Variants in TASOR2 observed in about 807,000 individuals in gnomAD.
TASOR2 encodes the protein protein TASOR 2.
Under a neutral mutation model 199.5 loss-of-function variants are expected in TASOR2, and 84 were observed. The ratio of observed to expected loss-of-function variants is 0.42; its 90% CI spans 0.35 to 0.50. TASOR2 has a LOEUF of 0.50. Ranked by LOEUF, TASOR2 falls within the 20% of genes least tolerant of loss-of-function variation. TASOR2 has a pLI of 0.02. For missense variants in TASOR2, 2,796 were observed against 2,835.9 expected (o/e 0.99, Z 0.32); for synonymous variants, 1,103 against 1,046.6 (o/e 1.05, Z -1.04).
In TASOR2 at chr10:5,747,128, A is replaced by T. The variant is rs768218928; in HGVS notation, c.3707A>T (p.Glu1236Val). Residue 1236 changes from glutamate (E) to valine (V), a missense_variant, in exon 15 of 21, where the codon GAA (glutamate) becomes GTA (valine). Glu to Val is a moderately radical substitution (Grantham distance 121). Around this residue, in one of 3 missense-constraint regions of TASOR2, gnomAD observed 1,941 missense variants for 1,924.9 expected, o/e 1.01. Coordinates refer to ENST00000328090, the Ensembl canonical transcript of TASOR2. ...TGCCACACATCAGGTGACTCTTTAG[A>T]ACTAAGGAAGAATCACAAGAATGGT... 2.6e-5 allele frequency: 42 copies of T among 1,614,024 alleles called. 1 individual carries two copies. The East Asian group carries it at 9.1e-4, about 35-fold the overall frequency.
At chr10:5,763,130 C>CT in exon 21 of TASOR2, 1 of 1,129,742 alleles carries the variant, frequency 8.9e-7, no homozygotes, top group East Asian at 2.6e-5. Context: ...TGTGAACAGT[C>CT]TTACATTTGA....
Position 5,730,877 on chromosome 10 carries a change from G to C in TASOR2, c.878G>C (p.Gly293Ala). 1 of 1,614,150 alleles carries C rather than the reference G, an allele frequency of 6.2e-7. No homozygotes were observed. Among genetic ancestry groups the C allele is most frequent in the East Asian group, 2.2e-5 (1 of 44,882 alleles). Residue 293 changes from glycine (G) to alanine (A), a missense_variant, in exon 11 of 21, where the codon GGA (glycine) becomes GCA (alanine). Around this residue, in one of 3 missense-constraint regions of TASOR2, gnomAD observed 847 missense variants for 887.4 expected, o/e 0.95. Transcript: ENST00000328090. This position sits in a 1 kb window ranked among gnomAD's most constrained non-coding sequence, Gnocchi z 4.1. The stretch of plus-strand genomic sequence containing the variant: ...CCTCAGTCTCCTTGTGTTTCAGACG[G>C]AATTTGTGATGCTGGATTTTCCTTA...
intron 10 of TASOR2, 63 bp downstream of exon 11, chr10:5,727,186 T>G: frequency 6.4e-7 from 1 of 1,560,524 alleles, no homozygotes; most frequent in Non-Finnish European, 8.8e-7. Flanking sequence ...TCATCTGACT[T>G]GACCTCTCAG....
At chr10:5,695,830 AT>A (rs935178978) in intron 1 of TASOR2, among the ~76,000 whole-genome samples, 2 of 152,210 alleles carry the variant, frequency 1.3e-5, no homozygotes, top group African/African-American at 4.8e-5. Context: ...GAGCAAGCAG[AT>A]TCTTTCCACA....
intron 12 of TASOR2, among the ~76,000 whole-genome samples, chr10:5,736,605 C>G (rs998739575): frequency 3.2e-4 from 48 of 152,100 alleles, no homozygotes; most frequent in African/African-American, 1.2e-3. Context: ...AGTAGTTTTA[C>G]TGATTTAACT....
At chr10:5,763,711 C>T (rs1840214688) in exon 21 of TASOR2, 2 of 152,168 alleles carry the variant, frequency 1.3e-5, no homozygotes, top group Non-Finnish European at 2.9e-5. Flanking sequence ...TAATGTGTTT[C>T]ATTTTTTAAA....
intron 8 of TASOR2, 57 bp from the exon 10 acceptor site, chr10:5,726,828 G>A (rs1834110701): frequency 2.7e-6 from 4 of 1,464,586 alleles, no homozygotes; most frequent in South Asian, 1.1e-5. Flanking sequence ...ATGGGTAGAG[G>A]GAGAAGAGAG....
intron 16 of TASOR2, 75 bp downstream of exon 17, chr10:5,756,813 C>CT: frequency 2.0e-6 from 3 of 1,480,998 alleles, no homozygotes; most frequent in Non-Finnish European, 2.7e-6. Flanking sequence ...ACTCATCCCT[C>CT]TTTTTTTATG....
At position 5,720,277 on chromosome 10, in the gene TASOR2, G is replaced by A. The variant is rs1475135910; in HGVS notation, c.-99-267G>A. 1 of 985,238 alleles carries A rather than the reference G, an allele frequency of 1.0e-6. No individual in the cohort carries two copies. 61.0% of individuals were successfully genotyped at this position (985,238 alleles called of 1,614,324 possible). A position where few individuals can be genotyped will look rare whatever the true frequency, so the allele number is the denominator to read the frequency against. On this transcript the variant is annotated intron_variant, in intron 3 of 20. Coordinates refer to ENST00000328090, the Ensembl canonical transcript of TASOR2. This position sits in a 1 kb window ranked among gnomAD's most constrained non-coding sequence, Gnocchi z 5.3. ...CATTCTAGGGAAAAGTCAAGTTTGT[G>A]TCTGAGAATTATACAACTAACTATA... is the stretch of plus-strand genomic sequence containing the variant.
exon 15 of TASOR2, chr10:5,749,119 G>A: frequency 6.2e-7 from 1 of 1,614,110 alleles, no homozygotes; most frequent in Non-Finnish European, 8.5e-7. Context: ...GCACTGGACT[G>A]CTGCGGTAAA....
rs148722321 is a variant in TASOR2 at position 5,720,312 on chromosome 10, C to T, written c.-99-232C>T. The T allele has an allele frequency of 2.7e-3, 2,643 of 985,216 alleles. 2 individuals carry two copies. The highest frequency in any genetic ancestry group is 3.0e-3 in the Non-Finnish European group (2,525 of 829,738). 61.0% of individuals were successfully genotyped at this position (985,216 alleles called of 1,614,324 possible). A position where few individuals can be genotyped will look rare whatever the true frequency, so the allele number is the denominator to read the frequency against. The stretch of plus-strand genomic sequence containing the variant: ...TATACAACTAACTATACTAAGCCAT[C>T]TTCTGGCTATGATTGCCACGTGTCT... On this transcript the variant is annotated intron_variant, in intron 3 of 20. Coordinates refer to ENST00000328090, the Ensembl canonical transcript of TASOR2. This position sits in a 1 kb window ranked among gnomAD's most constrained non-coding sequence, Gnocchi z 5.3.
exon 15 of TASOR2, chr10:5,749,798 A>G (rs1384581225): frequency 2.5e-6 from 4 of 1,614,154 alleles, no homozygotes; most frequent in Admixed American, 1.7e-5. Flanking sequence ...AAGAATAGCA[A>G]CCAATTCATT....
exon 15 of TASOR2, chr10:5,749,094 G>A (rs375316078): frequency 4.4e-5 from 71 of 1,613,900 alleles, no homozygotes; most frequent in Non-Finnish European, 5.8e-5. Context: ...GCATGGAGAC[G>A]AGCCTCCCTC....
At position 5,750,055 on chromosome 10, in the gene TASOR2, TATTTTA is replaced by T; in HGVS notation, c.6606+32_6606+37del. On this transcript the variant is annotated intron_variant, in intron 15 of 20. Coordinates refer to ENST00000328090, the Ensembl canonical transcript of TASOR2. The surrounding 1 kb of genome is among the most constrained non-coding windows in gnomAD (Gnocchi z 5.4). ...AAAGTGCCAGCCACGTCTTACGTAT[TATTTTA>T]ATTGCTGATTTTAGTTTTAGAAATA... 1 of 1,537,418 alleles carries T rather than the reference TATTTTA, an allele frequency of 6.5e-7. No individual in the cohort carries two copies. Among genetic ancestry groups the T allele is most frequent in the South Asian group, 1.3e-5 (1 of 77,882 alleles).
chr10:5,708,686 C>T (rs1271170642), intron 1 of TASOR2, among the ~76,000 whole-genome samples: 1 of 124,240 alleles, frequency 8.0e-6, no homozygotes, highest in African/African-American at 3.0e-5. Flanking sequence ...CCTTCCTTTC[C>T]TTCCTTTCTT....
exon 15 of TASOR2, chr10:5,747,016 C>G (rs747254085): frequency 1.2e-6 from 2 of 1,614,112 alleles, no homozygotes; most frequent in Non-Finnish European, 1.7e-6. Context: ...AGAAGGGCTT[C>G]TAGAACTGAC....
Position 5,727,143 on chromosome 10 carries a change from C to A in TASOR2, c.487+20C>A, listed in dbSNP as rs1406561051. 6.2e-7 allele frequency: 1 copy of A among 1,613,488 alleles called. No individual in the cohort carries two copies. Among genetic ancestry groups the A allele is most frequent in the Non-Finnish European group, 8.5e-7 (1 of 1,179,692 alleles). ...CAACAGGTGAGGATACAATGGTTTC[C>A]AGCTCACTCTGTCTGTTGGATATAT... On this transcript the variant is annotated intron_variant, in intron 10 of 20. Coordinates refer to ENST00000328090, the Ensembl canonical transcript of TASOR2.
rs1837944923 is a variant in TASOR2 at position 5,750,884 on chromosome 10, T to C, written c.6606+857T>C. 6.6e-6 allele frequency among the ~76,000 whole-genome samples: 1 copy of C among 152,350 alleles called. No homozygotes were observed. The highest frequency in any genetic ancestry group is 6.5e-5 in the Admixed American group (1 of 15,302). ...TTAACCTCATCTAGGTCTAGGATCA[T>C]AGGTGTCTAGAATTGTCATGTCTTC... On this transcript the variant is annotated intron_variant, in intron 15 of 20. Coordinates refer to ENST00000328090, the Ensembl canonical transcript of TASOR2. The surrounding 1 kb of genome is among the most constrained non-coding windows in gnomAD (Gnocchi z 5.4).
intron 8 of TASOR2, 72 bp from the exon 10 acceptor site, chr10:5,726,813 T>C (rs764626194): frequency 1.6e-5 from 21 of 1,346,050 alleles, no homozygotes; most frequent in East Asian, 9.2e-5. Flanking sequence ...TATTCACTAA[T>C]GAGTATGGGT....
Sources: gnomAD v4.1 joint callset for allele counts (sites outside exome capture counted in the v4.1 genomes callset) on GRCh38, gnomAD v4.1.1 for gene constraint, gnomAD v4.1.1 regional missense constraint, Gnocchi (gnomAD v3.1) non-coding constraint, MANE v1.5 for transcripts, NCBI Gene and HGNC (gene_info 2026-07-23, HGNC 2026-07-21) for gene names.